Variants in SGMS1 observed in about 807,000 individuals in gnomAD.
The protein encoded by SGMS1 is phosphatidylcholine:ceramide cholinephosphotransferase 1.
SGMS1 carries 13 observed loss-of-function variants against 46.2 expected under a neutral mutation model. That is an observed-to-expected ratio of 0.28 (90% CI 0.18 to 0.45). The LOEUF is 0.45. Ranked by LOEUF, SGMS1 falls within the 20% of genes least tolerant of loss-of-function variation. The pLI, the probability that SGMS1 is intolerant of heterozygous loss-of-function variation, is 1.00. For missense variants in SGMS1, 324 were observed against 519.9 expected (o/e 0.62, Z 3.66); for synonymous variants, 203 against 187.8 (o/e 1.08, Z -0.66).
chr10:50,499,125 A>G (rs540538094), intron 3 of SGMS1, among the ~76,000 whole-genome samples: 1 of 152,312 alleles, frequency 6.6e-6, no homozygotes, highest in Non-Finnish European at 1.5e-5. Flanking sequence ...GTATGCTACT[A>G]TTCACTTTCT....
At chr10:50,417,740 C>T (rs905516801) in intron 6 of SGMS1, among the ~76,000 whole-genome samples, 1 of 152,132 alleles carries the variant, frequency 6.6e-6, no homozygotes, top group African/African-American at 2.4e-5. Flanking sequence ...TCAAAAACTG[C>T]CATTAGGAAG....
intron 6 of SGMS1, among the ~76,000 whole-genome samples, chr10:50,407,360 G>C (rs1004917558): frequency 2.0e-5 from 3 of 152,156 alleles, no homozygotes; most frequent in Non-Finnish European, 4.4e-5. Flanking sequence ...GGAAAATGAT[G>C]AAGTACTACA....
At chr10:50,504,835 T>C (rs1160457436) in intron 3 of SGMS1, among the ~76,000 whole-genome samples, 1 of 152,214 alleles carries the variant, frequency 6.6e-6, no homozygotes, top group South Asian at 2.1e-4. Flanking sequence ...CAAATTGTTT[T>C]TATCGACTGC....
chr10:50,395,715 G>C (rs141753994), intron 6 of SGMS1, among the ~76,000 whole-genome samples: 3 of 152,132 alleles, frequency 2.0e-5, no homozygotes, highest in Non-Finnish European at 4.4e-5. Context: ...ATATTCTTAC[G>C]AGGAAAATGT....
chr10:50,400,074 C>A (rs966674819), intron 6 of SGMS1, among the ~76,000 whole-genome samples: 1 of 150,578 alleles, frequency 6.6e-6, no homozygotes, highest in Non-Finnish European at 1.5e-5. Context: ...GAAGTACGTG[C>A]GTGAGGTGCT....
At chr10:50,585,610 T>C (rs946435726) in intron 2 of SGMS1, among the ~76,000 whole-genome samples, 1 of 152,210 alleles carries the variant, frequency 6.6e-6, no homozygotes, top group African/African-American at 2.4e-5. Flanking sequence ...CCTGCATAAC[T>C]AGAAGAGCTG....
intron 5 of SGMS1, among the ~76,000 whole-genome samples, chr10:50,451,307 C>T (rs890609749): frequency 6.6e-6 from 1 of 152,064 alleles, no homozygotes; most frequent in African/African-American, 2.4e-5. Flanking sequence ...GCATGTTTAC[C>T]ATGTTATGTT....
At chr10:50,323,917 TA>T (rs1847489482) in intron 8 of SGMS1, among the ~76,000 whole-genome samples, 1 of 152,216 alleles carries the variant, frequency 6.6e-6, no homozygotes, top group South Asian at 2.1e-4. Flanking sequence ...AAATTTAAAC[TA>T]ACAGATTTTA....
At chr10:50,563,209 G>A (rs1002478038) in intron 2 of SGMS1, among the ~76,000 whole-genome samples, 1 of 152,118 alleles carries the variant, frequency 6.6e-6, no homozygotes, top group African/African-American at 2.4e-5. Context: ...GGTCGGCCCC[G>A]GGCACTGCTT....
chr10:50,584,199 C>T (rs557584229), intron 2 of SGMS1, among the ~76,000 whole-genome samples: 2 of 152,254 alleles, frequency 1.3e-5, no homozygotes, highest in East Asian at 1.9e-4. Flanking sequence ...TAGATCATTT[C>T]TTCCTCCTAA....
chr10:50,407,654 C>A (rs1228401615), intron 6 of SGMS1, among the ~76,000 whole-genome samples: 59 of 152,118 alleles, frequency 3.9e-4, no homozygotes, highest in Admixed American at 3.7e-3. Flanking sequence ...TTTTTTCCCC[C>A]TGCTAAGCTC....
chr10:50,394,499 C>A (rs1268861687), intron 6 of SGMS1, among the ~76,000 whole-genome samples: 1 of 152,188 alleles, frequency 6.6e-6, no homozygotes, highest in East Asian at 1.9e-4. Flanking sequence ...CAGTTGGAAA[C>A]CCCATTTGCC....
intron 4 of SGMS1, among the ~76,000 whole-genome samples, chr10:50,461,670 A>T (rs1220624789): frequency 6.6e-6 from 1 of 152,136 alleles, no homozygotes; most frequent in Non-Finnish European, 1.5e-5. Flanking sequence ...AACTCCTTAA[A>T]GCTATCCCTG....
chr10:50,403,659 A>G (rs548517701), intron 6 of SGMS1, among the ~76,000 whole-genome samples: 11 of 151,730 alleles, frequency 7.2e-5, no homozygotes, highest in Non-Finnish European at 1.3e-4. Context: ...ACGTTTCCAG[A>G]CAAGGTTGTT....
chr10:50,550,787 T>A (rs186046161), intron 2 of SGMS1, among the ~76,000 whole-genome samples: 1 of 152,330 alleles, frequency 6.6e-6, no homozygotes. Flanking sequence ...CTGAGCATCC[T>A]GGAATGCCAG....
intron 6 of SGMS1, among the ~76,000 whole-genome samples, chr10:50,387,399 C>T (rs1042286536): frequency 2.6e-5 from 4 of 152,094 alleles, no homozygotes; most frequent in African/African-American, 7.2e-5. Flanking sequence ...ATCAAAGATC[C>T]GATTTATATG....
At chr10:50,593,036 A>C (rs1046289138) in intron 1 of SGMS1, among the ~76,000 whole-genome samples, 3 of 150,698 alleles carry the variant, frequency 2.0e-5, no homozygotes, top group African/African-American at 7.3e-5. Flanking sequence ...GTGAGACTGC[A>C]AAAGTCCAAA....
At chr10:50,537,836 G>C (rs545464774) in intron 2 of SGMS1, among the ~76,000 whole-genome samples, 2 of 152,120 alleles carry the variant, frequency 1.3e-5, no homozygotes, top group Non-Finnish European at 2.9e-5. Flanking sequence ...CAAGAAGAGT[G>C]ACACCTTCAC....
At chr10:50,570,671 C>T (rs1158649589) in intron 2 of SGMS1, among the ~76,000 whole-genome samples, 9 of 152,186 alleles carry the variant, frequency 5.9e-5, no homozygotes, top group Non-Finnish European at 1.0e-4. Flanking sequence ...AAGTGGCTCA[C>T]ACTTAACAAT....
Sources: allele counts gnomAD v4.1 joint callset (sites outside exome capture counted in the v4.1 genomes callset), GRCh38; gene constraint gnomAD v4.1.1; transcripts MANE v1.5; gene names NCBI Gene and HGNC (gene_info 2026-07-23, HGNC 2026-07-21).